The following TUB variants were observed in gnomAD, a reference collection of about 807,000 sequenced individuals.
TUB encodes the protein TUB bipartite transcription factor.
Under a neutral mutation model 59.7 loss-of-function variants are expected in TUB, and 33 were observed. That is an observed-to-expected ratio of 0.55 (90% CI 0.42 to 0.74). The LOEUF is 0.74. Among genes scored for constraint, TUB ranks in the 30% least tolerant of loss-of-function variants. The probability of loss-of-function intolerance (pLI) is 0.00; values close to 1 mark genes in which losing one functional copy is unlikely to be tolerated. For synonymous variants in TUB, 293 were observed against 256.4 expected, an observed-to-expected ratio of 1.14 and a Z score of -1.36; for missense variants, 659 against 672.0, an observed-to-expected ratio of 0.98 and a Z score of 0.21.
intron 2 of TUB, among the ~76,000 whole-genome samples, chr11:8,066,815 A>G (rs1270993559): frequency 6.6e-6 from 1 of 152,194 alleles, no homozygotes; most frequent in Non-Finnish European, 1.5e-5. Context: ...CTGCATGAAC[A>G]GCCTACCAGG....
At chr11:8,101,348 C>A in intron 11 of TUB, 138 bp from the exon 12 acceptor site, 1 of 1,190,854 alleles carries the variant, frequency 8.4e-7, no homozygotes, top group South Asian at 1.4e-5. Context: ...CTTTGTTTTA[C>A]TTCCCTTTGT....
upstream of TUB, among the ~76,000 whole-genome samples, chr11:8,080,237 C>A (rs569361274): frequency 5.1e-4 from 77 of 152,362 alleles, no homozygotes; most frequent in African/African-American, 1.8e-3. Flanking sequence ...CACGAGGACG[C>A]CCACGGGGCG....
chr11:8,085,395 G>A lies in TUB; in HGVS notation c.38+3847G>A, dbSNP rs1434444298. ...GGGAACTGCTGGCTGGAATGGGGAC[G>A]GCACATCCTGGGAGGCTGGAACTCC... On this transcript the variant is annotated intron_variant, in intron 1 of 11. Coordinates refer to ENST00000299506, the MANE Select transcript of TUB (RefSeq NM_177972.3). Among the ~76,000 whole-genome samples, 5 of 152,352 alleles carry A rather than the reference G, an allele frequency of 3.3e-5. No individual in the cohort carries two copies. The South Asian group carries it at 8.3e-4, about 25-fold the overall frequency.
chr11:8,089,928 G>A, intron 2 of TUB, 141 bp from the exon 3 acceptor site: 5 of 1,294,672 alleles, frequency 3.9e-6, no homozygotes, highest in Non-Finnish European at 5.2e-6. Context: ...GCCCTGTTTT[G>A]CCTCCCTTTC....
chr11:8,033,068 T>C (rs1191263132), intron 1 of TUB, among the ~76,000 whole-genome samples: 3 of 152,022 alleles, frequency 2.0e-5, no homozygotes, highest in African/African-American at 7.2e-5. Context: ...GAACAGATAA[T>C]TAGAGGGTGC....
intron 2 of TUB, among the ~76,000 whole-genome samples, chr11:8,042,377 A>G (rs1183056116): frequency 2.0e-5 from 3 of 152,206 alleles, no homozygotes; most frequent in Admixed American, 6.5e-5. Flanking sequence ...CTATTCATCA[A>G]TTGATGAACA....
chr11:8,061,952 T>C (rs1943136996), intron 2 of TUB: 1 of 152,510 alleles, frequency 6.6e-6, no homozygotes, highest in African/African-American at 2.4e-5. Flanking sequence ...CCCCTGGAGT[T>C]CCTTCCTGCT....
rs1036088585 is a variant in TUB at position 8,081,220 on chromosome 11, T to C, written c.-291T>C. On this transcript the variant is annotated 5_prime_UTR_variant, in exon 1 of 12. Coordinates refer to ENST00000299506, the MANE Select transcript of TUB (RefSeq NM_177972.3). Reference sequence around the variant, plus strand: ...GCCGCTGCCACGCAGTACTCCCGCCTTGGCGCCAGAGGGGCGCGGGACGGT... The same window carrying C: ...GCCGCTGCCACGCAGTACTCCCGCCCTGGCGCCAGAGGGGCGCGGGACGGT... 115 of 262,740 alleles carry C rather than the reference T, an allele frequency of 4.4e-4. No individual in the cohort carries two copies. The highest frequency in any genetic ancestry group is 6.3e-4 in the Non-Finnish European group (107 of 169,580). 16.3% of individuals were successfully genotyped at this position (262,740 alleles called of 1,614,324 possible).
At chr11:8,032,073 G>GCAGAGGCTCC (rs1373428462) in intron 1 of TUB, among the ~76,000 whole-genome samples, 1 of 152,014 alleles carries the variant, frequency 6.6e-6, no homozygotes, top group East Asian at 1.9e-4. Context: ...AGCCGCGACT[G>GCAGAGGCTCC]CACAGAGCCT....
At chr11:8,023,477 G>A (rs1056220688) in intron 1 of TUB, among the ~76,000 whole-genome samples, 15 of 152,112 alleles carry the variant, frequency 9.9e-5, no homozygotes, top group African/African-American at 3.6e-4. Flanking sequence ...TCTATTCTCA[G>A]GCTACACCCT....
At chr11:8,059,761 T>C (rs1466552659) in intron 2 of TUB, among the ~76,000 whole-genome samples, 1 of 152,116 alleles carries the variant, frequency 6.6e-6, no homozygotes, top group Non-Finnish European at 1.5e-5. Context: ...TTTGTATCCT[T>C]TGGAACGAGG....
chr11:8,082,127 A>G (rs1287930817), intron 1 of TUB, among the ~76,000 whole-genome samples: 1 of 152,234 alleles, frequency 6.6e-6, no homozygotes, highest in Non-Finnish European at 1.5e-5. Context: ...CTGTATCTGG[A>G]GAATAACTGA....
rs760373205 is a variant in TUB at position 8,098,851 on chromosome 11, T to G, written c.1092T>G (p.Arg364=). The change falls in exon 9 of 12, where the codon CGT becomes CGG. Residue 364 remains arginine (R), a synonymous_variant. Coordinates refer to ENST00000299506, the MANE Select transcript of TUB (RefSeq NM_177972.3). ...SSSTLESGTL[R]QELAAVCYET... Reference sequence around the variant, plus strand: ...CCACTTTGGAAAGTGGAACCTTACGTCAGGAGCTGGCAGCTGTGTGCTACG... The same window carrying G: ...CCACTTTGGAAAGTGGAACCTTACGGCAGGAGCTGGCAGCTGTGTGCTACG... The G allele has an allele frequency of 1.2e-6, 2 of 1,614,010 alleles. No individual in the cohort carries two copies. The highest frequency in any genetic ancestry group is 3.3e-5 in the Admixed American group (2 of 60,026).
At position 8,065,726 on chromosome 11, in the gene TUB, G is replaced by C. The variant is rs187734282; in HGVS notation, c.204-23884G>C. Among the ~76,000 whole-genome samples, 64 of 152,304 alleles carry C rather than the reference G, an allele frequency of 4.2e-4. No homozygotes were observed. The East Asian group carries it at 0.011, about 27-fold the overall frequency. ...TAAGCCTAGGAGCAGAGCTGGAAGA[G>C]CAGCTCTGCTTCAGGGTTTATCTGA... On this transcript the variant is annotated intron_variant, in intron 2 of 12. Coordinates refer to the TUB transcript ENST00000305253.
At chr11:8,047,541 A>G (rs1184554529) in intron 2 of TUB, among the ~76,000 whole-genome samples, 1 of 152,212 alleles carries the variant, frequency 6.6e-6, no homozygotes, top group Non-Finnish European at 1.5e-5. Context: ...ATCCAAGGCC[A>G]GATGCCCTCG....
intron 2 of TUB, among the ~76,000 whole-genome samples, chr11:8,073,819 G>A (rs1156891838): frequency 3.9e-5 from 6 of 152,192 alleles, no homozygotes; most frequent in Admixed American, 2.0e-4. Context: ...AACCTTCCCC[G>A]GGTCAGAGAC....
At position 8,105,788 on chromosome 11, in the gene TUB, T is replaced by TGCTCCTGTCCCTCCCTCCC. The variant is rs1944560313; in HGVS notation, c.*4170_*4188dup. On this transcript the variant is annotated 3_prime_UTR_variant, in exon 12 of 12. Coordinates refer to ENST00000299506, the MANE Select transcript of TUB (RefSeq NM_177972.3). ...CACATCCCTCTCCTCTCCTCCTCTG[T>TGCTCCTGTCCCTCCCTCCC]GCTCCTGTCCCTCCCTCCCCCTAGC... The TGCTCCTGTCCCTCCCTCCC allele has an allele frequency of 1.3e-5, 2 of 152,290 alleles. No individual in the cohort carries two copies. The highest frequency in any genetic ancestry group is 4.8e-5 in the African/African-American group (2 of 41,454). 9.4% of individuals were successfully genotyped at this position (152,290 alleles called of 1,614,324 possible). A position where few individuals can be genotyped will look rare whatever the true frequency, so the allele number is the denominator to read the frequency against.
In TUB at chr11:8,105,296, G is replaced by A. The variant is rs1303166105; in HGVS notation, c.*3677G>A. The A allele has an allele frequency of 6.6e-6, 1 of 152,186 alleles. No individual in the cohort carries two copies. The allele number at this position is 152,186 out of a possible 1,614,324, so 9.4% of individuals were successfully genotyped here. On this transcript the variant is annotated 3_prime_UTR_variant, in exon 12 of 12. Transcript: ENST00000299506. ...AGCTGAATGAGTCTGCTTTCACTGT[G>A]ACTGGGACCTGAATGACCTGCAGTC...
In TUB at chr11:8,100,867, G is replaced by A. The variant is rs17847537; in HGVS notation, c.1257G>A (p.Thr419=). 1,624 of 1,614,140 alleles carry A rather than the reference G, an allele frequency of 1.0e-3. 25 individuals carry two copies. In the East Asian group the frequency reaches 0.03, roughly 30 times the overall value. Residue 419 remains threonine (T), a synonymous_variant, in exon 11 of 12, where the codon ACG becomes ACA. Coordinates refer to ENST00000299506, the MANE Select transcript of TUB (RefSeq NM_177972.3). ...TAGCACGCTGGCAGAATAAGAACAC[G>A]GAGAGTATCATCGAGCTGCAAAACA... The part of the protein sequence containing the change: ...TLLARWQNKN[T]ESIIELQNKT...
Sources: gnomAD v4.1 joint callset for allele counts (sites outside exome capture counted in the v4.1 genomes callset) on GRCh38, gnomAD v4.1.1 for gene constraint, MANE v1.5 for transcripts, NCBI Gene and HGNC (gene_info 2026-07-23, HGNC 2026-07-21) for gene names.